Variants in MARCHF5 observed in about 807,000 individuals in gnomAD.
MARCHF5 encodes membrane associated ring-CH-type finger 5.
MARCHF5 carries 5 observed loss-of-function variants against 36.5 expected under a neutral mutation model. That is an observed-to-expected ratio of 0.14 (90% confidence interval 0.07 to 0.29). The LOEUF is 0.29. Among genes scored for constraint, MARCHF5 ranks in the 10% least tolerant of loss-of-function variants. MARCHF5 has a pLI of 1.00. For synonymous variants in MARCHF5, 103 were observed against 109.9 expected (o/e 0.94, Z 0.39); for missense variants, 179 against 336.3 (o/e 0.53, Z 3.66).
At chr10:92,318,926 C>CA (rs35332376) in intron 2 of MARCHF5, among the ~76,000 whole-genome samples, 1 of 151,918 alleles carries the variant, frequency 6.6e-6, no homozygotes. Flanking sequence ...AGGCTGGTCT[C>CA]AAACTCCTGA....
At chr10:92,339,386 C>T (rs560094361) in intron 2 of MARCHF5, among the ~76,000 whole-genome samples, 1 of 143,494 alleles carries the variant, frequency 7.0e-6, no homozygotes, top group South Asian at 2.2e-4. Context: ...AAATAAATAG[C>T]TGGCTGGGTG....
intron 2 of MARCHF5, among the ~76,000 whole-genome samples, chr10:92,335,543 TAAGAG>T (rs1202984442): frequency 6.6e-6 from 1 of 152,186 alleles, no homozygotes; most frequent in African/African-American, 2.4e-5. Flanking sequence ...AAAGTAAACT[TAAGAG>T]AAAAGCCAAG....
intron 1 of MARCHF5, among the ~76,000 whole-genome samples, chr10:92,302,633 G>A (rs201397839): frequency 3.3e-5 from 5 of 151,896 alleles, no homozygotes; most frequent in East Asian, 3.9e-4. Flanking sequence ...TAGTAGAGAC[G>A]GGGTTTCTCT....
chr10:92,320,695 G>T (rs1843280157), intron 2 of MARCHF5, among the ~76,000 whole-genome samples: 1 of 151,954 alleles, frequency 6.6e-6, no homozygotes, highest in Non-Finnish European at 1.5e-5. Flanking sequence ...TCGCACAACT[G>T]TACAATATGT....
chr10:92,297,898 A>C (rs181501098), intron 1 of MARCHF5, among the ~76,000 whole-genome samples: 1 of 152,038 alleles, frequency 6.6e-6, no homozygotes, highest in East Asian at 1.9e-4. Flanking sequence ...CATTAGCTCT[A>C]CTGAAAGTGT....
intron 2 of MARCHF5, among the ~76,000 whole-genome samples, chr10:92,328,605 C>G (rs990161784): frequency 4.0e-5 from 6 of 151,044 alleles, no homozygotes; most frequent in African/African-American, 1.5e-4. Flanking sequence ...TTGCTTTTCC[C>G]CCATTCTTTC....
chr10:92,318,155 C>T (rs749500286), intron 2 of MARCHF5, among the ~76,000 whole-genome samples: 19 of 152,024 alleles, frequency 1.2e-4, no homozygotes, highest in African/African-American at 1.7e-4. Flanking sequence ...GGCTGGGAGC[C>T]GTGGCTCATA....
rs1842860056 is a variant in MARCHF5 at position 92,291,421 on chromosome 10, T to C, written c.-74T>C. Reference sequence around the variant, plus strand: ...GGACTGCGGCCTACTCCGCCGCCTCTCAGTGCTATTGTCCCTGGGCCTGGC... The same window carrying C: ...GGACTGCGGCCTACTCCGCCGCCTCCCAGTGCTATTGTCCCTGGGCCTGGC... On this transcript the variant is annotated 5_prime_UTR_variant, in exon 1 of 6. Transcript: ENST00000358935. The C allele has an allele frequency of 6.8e-6, 9 of 1,327,610 alleles. No individual in the cohort carries two copies. In the East Asian group the frequency reaches 2.3e-4, roughly 34 times the overall value. 82.2% of individuals were successfully genotyped at this position (1,327,610 alleles called of 1,614,324 possible). A position where few individuals can be genotyped will look rare whatever the true frequency, so the allele number is the denominator to read the frequency against.
intron 2 of MARCHF5, among the ~76,000 whole-genome samples, chr10:92,336,914 A>G (rs778402450): frequency 2.2e-4 from 33 of 152,050 alleles, no homozygotes; most frequent in South Asian, 4.1e-4. Flanking sequence ...CTTGAGCCTA[A>G]GAATTTGAGA....
At chr10:92,319,967 TTTC>T (rs1256919520) in intron 2 of MARCHF5, among the ~76,000 whole-genome samples, 6 of 147,286 alleles carry the variant, frequency 4.1e-5, no homozygotes, top group African/African-American at 1.5e-4. Context: ...AAAAAAAAAA[TTTC>T]TTTTCTTTTT....
rs1362943915 is a variant in MARCHF5, at chr10:92,337,928, CT to C, written c.239-2742del. ...GTGGTACATGCCTGTAATCCTAGCA[CT>C]TTGGGAAACTGAAGTGGGAGGATTG... On this transcript the variant is annotated intron_variant, in intron 2 of 5. Transcript: ENST00000358935. Among the ~76,000 whole-genome samples the C allele has an allele frequency of 2.6e-5, 4 of 151,202 alleles. No homozygotes were observed. In the East Asian group the frequency reaches 7.8e-4, roughly 29 times the overall value.
chr10:92,326,238 G>A (rs1201683681), intron 2 of MARCHF5, among the ~76,000 whole-genome samples: 1 of 151,896 alleles, frequency 6.6e-6, no homozygotes, highest in African/African-American at 2.4e-5. Context: ...TTTGCTAATA[G>A]GCCCCTATTG....
At chr10:92,307,496 C>T (rs955371050) in intron 1 of MARCHF5, among the ~76,000 whole-genome samples, 16 of 152,094 alleles carry the variant, frequency 1.1e-4, no homozygotes, top group African/African-American at 3.9e-4. Flanking sequence ...GAATCCAAGG[C>T]AGGAGAATTG....
intron 1 of MARCHF5, among the ~76,000 whole-genome samples, chr10:92,304,792 C>T (rs554589183): frequency 6.1e-4 from 93 of 152,142 alleles, no homozygotes; most frequent in South Asian, 1.7e-3. Context: ...TCAGATTTAC[C>T]GATCCCCACC....
intron 4 of MARCHF5, 69 bp downstream of exon 4, chr10:92,349,601 T>C: frequency 6.3e-7 from 1 of 1,594,606 alleles, no homozygotes; most frequent in Non-Finnish European, 8.6e-7. Flanking sequence ...CATGCTTTTT[T>C]AGCCATGTTT....
At chr10:92,345,186 A>C (rs1048735056) in intron 3 of MARCHF5, among the ~76,000 whole-genome samples, 3 of 151,388 alleles carry the variant, frequency 2.0e-5, no homozygotes, top group Admixed American at 6.6e-5. Flanking sequence ...AAAAAAAAAA[A>C]CCCTGTTATT....
intron 2 of MARCHF5, among the ~76,000 whole-genome samples, chr10:92,320,254 GC>G (rs1363800644): frequency 6.6e-6 from 1 of 151,376 alleles, no homozygotes; most frequent in African/African-American, 2.4e-5. Context: ...ACAAGGTCGT[GC>G]TTTGTTGCCC....
intron 1 of MARCHF5, among the ~76,000 whole-genome samples, chr10:92,294,612 G>A (rs2135172090): frequency 6.6e-6 from 1 of 152,228 alleles, no homozygotes; most frequent in Admixed American, 6.5e-5. Context: ...GGTTTTTGGT[G>A]GCAATTTTTG....
At chr10:92,323,801 T>C (rs574533840) in intron 2 of MARCHF5, among the ~76,000 whole-genome samples, 75 of 152,350 alleles carry the variant, frequency 4.9e-4, no homozygotes, top group African/African-American at 1.8e-3. Flanking sequence ...TATCCATTCA[T>C]GTACTGAAAG....
Sources: allele counts gnomAD v4.1 joint callset (sites outside exome capture counted in the v4.1 genomes callset), GRCh38; gene constraint gnomAD v4.1.1; transcripts MANE v1.5; gene names NCBI Gene and HGNC (gene_info 2026-07-23, HGNC 2026-07-21).